Variants in FOXP1 observed in about 807,000 individuals in gnomAD.
FOXP1 encodes the protein forkhead box P1, also known as forkhead box protein P1.
FOXP1 carries 15 observed loss-of-function variants against 98.2 expected under a neutral mutation model. The observed-to-expected ratio is 0.15, with a 90% CI of 0.10 to 0.24. The LOEUF is 0.24. Ranked by LOEUF, FOXP1 falls within the 10% of genes least tolerant of loss-of-function variation. The probability of loss-of-function intolerance (pLI) is 1.00; values close to 1 mark genes in which losing one functional copy is unlikely to be tolerated. For missense variants in FOXP1, 633 were observed against 848.5 expected, an observed-to-expected ratio of 0.75 and a Z score of 3.15; for synonymous variants, 371 against 314.5, an observed-to-expected ratio of 1.18 and a Z score of -1.90.
chr3:71,104,035 G>A (rs1242416077), intron 7 of FOXP1, among the ~76,000 whole-genome samples: 1 of 152,064 alleles, frequency 6.6e-6, no homozygotes, highest in Non-Finnish European at 1.5e-5. Context: ...TTGCTCAGAA[G>A]ATTCACACAG....
intron 6 of FOXP1, among the ~76,000 whole-genome samples, chr3:71,160,717 T>C (rs554326989): frequency 6.6e-6 from 1 of 152,306 alleles, no homozygotes; most frequent in African/African-American, 2.4e-5. Context: ...AAATCAACAA[T>C]TCCATGACCA....
intron 5 of FOXP1, among the ~76,000 whole-genome samples, chr3:71,213,636 T>C (rs534633913): frequency 6.6e-6 from 1 of 152,032 alleles, no homozygotes; most frequent in African/African-American, 2.4e-5. Context: ...GCCAATATGG[T>C]GAAATCCTGT....
chr3:70,971,768 C>CGTAA, intron 18 of FOXP1: 1 of 362,622 alleles, frequency 2.8e-6, no homozygotes, highest in Non-Finnish European at 4.9e-6. Context: ...CTAGGGTCCC[C>CGTAA]GTAAGCTGCT....
At chr3:71,572,004 T>A (rs1464995417) in intron 2 of FOXP1, 2 of 152,172 alleles carry the variant, frequency 1.3e-5, no homozygotes, top group East Asian at 3.8e-4. Flanking sequence ...GCCAGTCCTT[T>A]AAAATATGCA....
At position 71,193,124 on chromosome 3, in the gene FOXP1, T is replaced by TTTG. The variant is rs539003963; in HGVS notation, c.180+5075_180+5077dup. Reference sequence around the variant, plus strand: ...CACTGTATTTTCTACATCCCCTTTGTTTGTTGTTGTTGTTGTTGTTGTTTA... The same window carrying TTTG: ...CACTGTATTTTCTACATCCCCTTTGTTTGTTGTTGTTGTTGTTGTTGTTGTTTA... On this transcript the variant is annotated intron_variant, in intron 6 of 20. Coordinates refer to ENST00000649528, the MANE Select transcript of FOXP1 (RefSeq NM_001349338.3). Among the ~76,000 whole-genome samples the TTTG allele has an allele frequency of 6.6e-3, 1,007 of 151,530 alleles. 8 individuals carry two copies. The highest frequency in any genetic ancestry group is 0.022 in the African/African-American group (894 of 41,148).
At chr3:71,511,006 T>A (rs186203913) in intron 2 of FOXP1, among the ~76,000 whole-genome samples, 183 of 152,356 alleles carry the variant, frequency 1.2e-3, no homozygotes, top group Middle Eastern at 3.4e-3. Flanking sequence ...TTGCACTCTG[T>A]ATATCCGTTA....
intron 5 of FOXP1, among the ~76,000 whole-genome samples, chr3:71,291,073 C>T (rs1407687814): frequency 6.6e-6 from 1 of 152,148 alleles, no homozygotes; most frequent in Non-Finnish European, 1.5e-5. Context: ...ATGTGACCTC[C>T]CTTATCCTTT....
In FOXP1 at chr3:71,172,478, C is replaced by T. The variant is rs550257299; in HGVS notation, c.180+25724G>A. On this transcript the variant is annotated intron_variant, in intron 6 of 20. Transcript: ENST00000649528. ...CCTACATTTATGTAGTGTTTCATTG[C>T]TTACCAGGCATTTTGACCTATAACA... is the stretch of plus-strand genomic sequence containing the variant. Among the ~76,000 whole-genome samples the T allele has an allele frequency of 3.3e-5, 5 of 152,286 alleles. No individual in the cohort carries two copies. The East Asian group carries it at 9.6e-4, about 29-fold the overall frequency.
intron 7 of FOXP1, among the ~76,000 whole-genome samples, chr3:71,057,290 A>C (rs1476883640): frequency 2.3e-4 from 3 of 12,834 alleles, no homozygotes; most frequent in Non-Finnish European, 1.0e-3. Flanking sequence ...TAAAAACGAA[A>C]CTTTTTTTTT....
At chr3:71,227,732 TAAAAAAA>T (rs59752685) in intron 5 of FOXP1, among the ~76,000 whole-genome samples, 2 of 139,472 alleles carry the variant, frequency 1.4e-5, no homozygotes, top group African/African-American at 5.2e-5. Flanking sequence ...TCAATGTTTT[TAAAAAAA>T]AAAAAAAACA....
At chr3:71,426,620 T>A (rs992971900) in intron 3 of FOXP1, among the ~76,000 whole-genome samples, 1 of 152,152 alleles carries the variant, frequency 6.6e-6, no homozygotes, top group African/African-American at 2.4e-5. Context: ...CCACACACGC[T>A]CATCCCACCT....
intron 3 of FOXP1, among the ~76,000 whole-genome samples, chr3:71,439,667 G>A (rs1051643028): frequency 2.6e-5 from 4 of 152,240 alleles, no homozygotes; most frequent in Non-Finnish European, 5.9e-5. Context: ...GAAGGGGCCA[G>A]GCGCAGCAGC....
chr3:71,358,115 T>A (rs1034414399), intron 4 of FOXP1, among the ~76,000 whole-genome samples: 9 of 152,196 alleles, frequency 5.9e-5, no homozygotes, highest in Non-Finnish European at 8.8e-5. Flanking sequence ...ACTTGTGAAA[T>A]TTAAACATAC....
At chr3:71,541,843 A>T in intron 2 of FOXP1, 1 of 421,978 alleles carries the variant, frequency 2.4e-6, no homozygotes, top group South Asian at 1.8e-5. Flanking sequence ...TAAAACAAAC[A>T]AAAAAACACC....
intron 6 of FOXP1, among the ~76,000 whole-genome samples, chr3:71,119,531 G>T (rs571400880): frequency 1.3e-5 from 2 of 152,154 alleles, no homozygotes; most frequent in South Asian, 2.1e-4. Flanking sequence ...AGCAGCATAG[G>T]AACATTAGTA....
At chr3:71,401,527 T>G (rs1054883817) in intron 3 of FOXP1, among the ~76,000 whole-genome samples, 16 of 152,214 alleles carry the variant, frequency 1.1e-4, no homozygotes, top group African/African-American at 3.4e-4. Flanking sequence ...TCAGAAATCC[T>G]TCCTCTCTTT....
chr3:71,133,023 A>C (rs1247371364), intron 6 of FOXP1, among the ~76,000 whole-genome samples: 1 of 151,350 alleles, frequency 6.6e-6, no homozygotes, highest in Non-Finnish European at 1.5e-5. Flanking sequence ...TTCAACACTT[A>C]CTCCAAACAT....
chr3:70,974,687 A>T (rs1031494377), intron 17 of FOXP1, among the ~76,000 whole-genome samples: 1 of 152,260 alleles, frequency 6.6e-6, no homozygotes, highest in Non-Finnish European at 1.5e-5. Context: ...AAACGGACAG[A>T]GCCAATTTCC....
At chr3:71,420,870 C>A (rs528016616) in intron 3 of FOXP1, among the ~76,000 whole-genome samples, 1 of 152,084 alleles carries the variant, frequency 6.6e-6, no homozygotes, top group Non-Finnish European at 1.5e-5. Flanking sequence ...CCATGCCCGG[C>A]TAATTTTTTG....
Sources: gnomAD v4.1 joint callset for allele counts (sites outside exome capture counted in the v4.1 genomes callset) on GRCh38, gnomAD v4.1.1 for gene constraint, MANE v1.5 for transcripts, NCBI Gene and HGNC (gene_info 2026-07-23, HGNC 2026-07-21) for gene names.